The following CD99L2 variants were observed in gnomAD, a reference collection of about 807,000 sequenced individuals.
The protein encoded by CD99L2 is CD99 molecule like 2, also known as CD99 antigen-like protein 2.
Under a neutral mutation model 27.3 loss-of-function variants are expected in CD99L2, and 24 were observed. That is an observed-to-expected ratio of 0.88 (90% CI 0.64 to 1.24). The LOEUF (loss-of-function observed/expected upper bound fraction) is 1.24, where lower values mean the gene tolerates loss of function less well. Among genes scored for constraint, CD99L2 ranks in the 50% most tolerant of loss-of-function variants. The pLI is 0.00. For missense variants in CD99L2, 255 were observed against 221.6 expected, an observed-to-expected ratio of 1.15 and a Z score of -0.96; for synonymous variants, 97 against 87.9, an observed-to-expected ratio of 1.10 and a Z score of -0.58.
intron 1 of CD99L2, among the ~76,000 whole-genome samples, chrX:150,879,278 T>C (rs1218672935): frequency 9.0e-6 from 1 of 111,482 alleles, no homozygotes; most frequent in African/African-American, 3.3e-5. Context: ...TACTAGCTTA[T>C]TAAAAGGGAG....
chrX:150,831,602 G>A (rs2046445523), intron 1 of CD99L2, among the ~76,000 whole-genome samples: 1 of 111,249 alleles, frequency 9.0e-6, no homozygotes, highest in Non-Finnish European at 1.9e-5. Context: ...ATTGGAGAGT[G>A]GAGGGTGGGA....
rs1569565830 is a variant in CD99L2 at position 150,769,688 on chromosome X, GGC to G, written c.722-589_722-588del. Among the ~76,000 whole-genome samples the G allele has an allele frequency of 9.4e-4, 80 of 85,417 alleles. 4 individuals are homozygous for G. In the East Asian group the frequency reaches 0.028, roughly 30 times the overall value. The allele number at this position is 85,417 out of a possible 115,157, so 74.2% of individuals were successfully genotyped here. On this transcript the variant is annotated intron_variant, in intron 10 of 10. Transcript: ENST00000370377. The stretch of plus-strand genomic sequence containing the variant: ...CCTAGTCTCCCTGCCTGCGCCACCA[GGC>G]CTCGGCTGCTCCCCGACCCCAGCAA...
At chrX:150,776,984 G>C (rs1427801434) in intron 8 of CD99L2, 1 of 155,055 alleles carries the variant, frequency 6.4e-6, no homozygotes, top group Non-Finnish European at 1.2e-5. Context: ...CCAGGTCATA[G>C]GGAGATAAGA....
chrX:150,848,556 T>TAAAAAAAAA (rs55999462), intron 1 of CD99L2, among the ~76,000 whole-genome samples: 1 of 93,781 alleles, frequency 1.1e-5, no homozygotes. Flanking sequence ...TTCCACAATT[T>TAAAAAAAAA]AAAAAAAAAA....
At chrX:150,795,905 G>A (rs924327304) in intron 4 of CD99L2, among the ~76,000 whole-genome samples, 1 of 112,394 alleles carries the variant, frequency 8.9e-6, no homozygotes, top group East Asian at 2.8e-4. Context: ...CCAGTGGACT[G>A]TGGTAGTATC....
intron 7 of CD99L2, among the ~76,000 whole-genome samples, chrX:150,787,596 G>A (rs2045614902): frequency 9.1e-6 from 1 of 109,383 alleles, no homozygotes; most frequent in Admixed American, 9.8e-5. Context: ...TCCTTTGCAG[G>A]GACATGGATA....
Position 150,769,108 on chromosome X carries a change from G to T in CD99L2, c.722-7C>A, listed in dbSNP as rs782151051. The stretch of plus-strand genomic sequence containing the variant: ...TGCAACGTGGAGTATTTCACTAGGG[G>T]AAAAAGAGGCCGTCAGAAGGAATTC... On this transcript the variant is annotated splice_region_variant and splice_polypyrimidine_tract_variant and intron_variant, in intron 10 of 10. Transcript: ENST00000370377. 37 of 1,160,796 alleles carry T rather than the reference G, an allele frequency of 3.2e-5. No homozygotes were observed. Among genetic ancestry groups the T allele is most frequent in the Non-Finnish European group, 4.0e-5 (35 of 876,818 alleles).
At chrX:150,818,997 A>T (rs1246286625) in intron 2 of CD99L2, 1 of 321,237 alleles carries the variant, frequency 3.1e-6, no homozygotes, top group Non-Finnish European at 6.0e-6. Context: ...ACCAGGAGAA[A>T]CTTGATGATG....
intron 1 of CD99L2, among the ~76,000 whole-genome samples, chrX:150,893,071 A>T (rs112376818): frequency 0.042 from 4,716 of 111,355 alleles, 249 homozygotes; most frequent in African/African-American, 0.15. Context: ...TTGCAGTGAG[A>T]TCGCACTATT....
At chrX:150,879,769 A>AAG (rs2047294634) in intron 1 of CD99L2, among the ~76,000 whole-genome samples, 1 of 100,012 alleles carries the variant, frequency 1.0e-5, no homozygotes, top group Non-Finnish European at 2.0e-5. Context: ...AAAAAAAAAA[A>AAG]AAAAAAAAAG....
intron 2 of CD99L2, among the ~76,000 whole-genome samples, chrX:150,827,117 A>G (rs1170022941): frequency 7.2e-5 from 8 of 111,105 alleles, no homozygotes; most frequent in Non-Finnish European, 1.5e-4. Context: ...CTCAAAAAAC[A>G]TTGGTGAATA....
intron 4 of CD99L2, among the ~76,000 whole-genome samples, chrX:150,812,009 A>T (rs2046078878): frequency 9.0e-6 from 1 of 111,048 alleles, no homozygotes; most frequent in Non-Finnish European, 1.9e-5. Flanking sequence ...AAAAATACAA[A>T]AATTAGCCAA....
chrX:150,792,559 C>T (rs191010273), intron 7 of CD99L2, among the ~76,000 whole-genome samples: 155 of 112,019 alleles, frequency 1.4e-3, no homozygotes, highest in African/African-American at 4.7e-3. Flanking sequence ...TATTCCCATA[C>T]GAAAGGCACA....
intron 7 of CD99L2, among the ~76,000 whole-genome samples, chrX:150,789,658 A>T (rs5969972): frequency 9.1e-6 from 1 of 110,258 alleles, no homozygotes; most frequent in Non-Finnish European, 1.9e-5. Flanking sequence ...GCCAAGGCAG[A>T]AGAATCACCT....
intron 9 of CD99L2, among the ~76,000 whole-genome samples, chrX:150,775,786 T>C (rs2043541202): frequency 8.9e-6 from 1 of 112,181 alleles, no homozygotes; most frequent in African/African-American, 3.2e-5. Flanking sequence ...AGGGAGCTGG[T>C]GACGCAGGGC....
intron 7 of CD99L2, among the ~76,000 whole-genome samples, chrX:150,790,491 C>CCGA: frequency 9.0e-6 from 1 of 111,129 alleles, no homozygotes; most frequent in East Asian, 2.8e-4. Flanking sequence ...GGTAAAGGAA[C>CCGA]CGACCTAAGT....
At chrX:150,795,094 T>C in intron 6 of CD99L2, 112 bp downstream of exon 6, 1 of 852,639 alleles carries the variant, frequency 1.2e-6, no homozygotes. Flanking sequence ...GTACCACCAT[T>C]ATAGGGTTCT....
chrX:150,825,172 T>C (rs2046351066), intron 2 of CD99L2, among the ~76,000 whole-genome samples: 1 of 112,078 alleles, frequency 8.9e-6, no homozygotes, highest in Non-Finnish European at 1.9e-5. Context: ...ATGATATAGA[T>C]AGGTAAAAAA....
At chrX:150,864,105 A>AT (rs1180970851) in intron 1 of CD99L2, among the ~76,000 whole-genome samples, 11 of 112,278 alleles carry the variant, frequency 9.8e-5, no homozygotes, top group Non-Finnish European at 1.9e-4. Context: ...ACAAGCACAC[A>AT]TTACCTAAGT....
Sources: gnomAD v4.1 joint callset for allele counts (sites outside exome capture counted in the v4.1 genomes callset) on GRCh38, gnomAD v4.1.1 for gene constraint, MANE v1.5 for transcripts, NCBI Gene and HGNC (gene_info 2026-07-23, HGNC 2026-07-21) for gene names.